Variants in CWC27 observed in about 807,000 individuals in gnomAD.
The protein encoded by CWC27 is CWC27 spliceosome associated cyclophilin, also known as spliceosome-associated protein CWC27 homolog.
Under a neutral mutation model 63.6 loss-of-function variants are expected in CWC27, and 47 were observed. That is an observed-to-expected ratio of 0.74 (90% CI 0.58 to 0.94). CWC27 has a LOEUF of 0.94. Ranked by LOEUF, CWC27 falls within the 40% of genes least tolerant of loss-of-function variation. CWC27 has a pLI of 0.00. For missense variants in CWC27, 495 were observed against 554.3 expected, an observed-to-expected ratio of 0.89 and a Z score of 1.07; for synonymous variants, 175 against 179.8, an observed-to-expected ratio of 0.97 and a Z score of 0.22.
intron 10 of CWC27, among the ~76,000 whole-genome samples, chr5:64,818,640 G>A (rs1745110808): frequency 6.6e-6 from 1 of 152,076 alleles, no homozygotes; most frequent in African/African-American, 2.4e-5. Context: ...GTAAGTTTTG[G>A]GTGAAGTATG....
chr5:65,000,644 G>C (rs7731168), intron 13 of CWC27, among the ~76,000 whole-genome samples: 44,520 of 151,808 alleles, frequency 0.29, 7,090 homozygotes, highest in East Asian at 0.44. Flanking sequence ...GTACATATGT[G>C]CATTTATTTC....
intron 13 of CWC27, among the ~76,000 whole-genome samples, chr5:64,980,160 T>A (rs997990467): frequency 6.6e-6 from 1 of 152,200 alleles, no homozygotes; most frequent in African/African-American, 2.4e-5. Flanking sequence ...CCTCCTTTGT[T>A]CAGATATACA....
chr5:64,769,489 G>C (rs1251238559), intron 1 of CWC27, among the ~76,000 whole-genome samples: 2 of 152,146 alleles, frequency 1.3e-5, no homozygotes, highest in African/African-American at 4.8e-5. Flanking sequence ...ACATTTTTGA[G>C]TTTGATATAT....
Position 65,016,216 on chromosome 5 carries a change from A to G in CWC27, c.1257-1943A>G, listed in dbSNP as rs568652757. On this transcript the variant is annotated intron_variant, in intron 13 of 13. Coordinates refer to ENST00000381070, the MANE Select transcript of CWC27 (RefSeq NM_005869.4). ...AAATTAGATTTTGCAACTATTGTAC[A>G]ATACATTTTCTAATTAAGGGTGTCT... Among the ~76,000 whole-genome samples the G allele has an allele frequency of 2.3e-4, 35 of 152,342 alleles. 1 individual carries two copies. The South Asian group carries it at 7.2e-3, about 32-fold the overall frequency.
chr5:64,959,095 G>GA (rs1383110984), intron 11 of CWC27, among the ~76,000 whole-genome samples: 1 of 152,016 alleles, frequency 6.6e-6, no homozygotes, highest in Non-Finnish European at 1.5e-5. Context: ...CCATAGTATA[G>GA]AAAAAATAAA....
At chr5:64,861,824 G>A (rs1332286505) in intron 10 of CWC27, among the ~76,000 whole-genome samples, 1 of 152,030 alleles carries the variant, frequency 6.6e-6, no homozygotes, top group Non-Finnish European at 1.5e-5. Context: ...CATTGCTATA[G>A]GAATATAGGT....
chr5:64,987,753 T>A (rs9291830), intron 13 of CWC27, among the ~76,000 whole-genome samples: 32,638 of 152,164 alleles, frequency 0.21, 4,008 homozygotes, highest in South Asian at 0.36. Flanking sequence ...ACTTTAAAGA[T>A]GTTTGTTCCA....
intron 10 of CWC27, among the ~76,000 whole-genome samples, chr5:64,859,704 G>T (rs1398618147): frequency 6.6e-6 from 1 of 152,112 alleles, no homozygotes; most frequent in Non-Finnish European, 1.5e-5. Context: ...TCTAAGGAAG[G>T]TACTGTGTGT....
intron 10 of CWC27, among the ~76,000 whole-genome samples, chr5:64,811,387 A>G (rs953018838): frequency 2.0e-5 from 3 of 152,222 alleles, no homozygotes; most frequent in East Asian, 1.9e-4. Context: ...TGTTAGGATG[A>G]TTACAGCATT....
At position 65,018,256 on chromosome 5, in the gene CWC27, C is replaced by T. The variant is rs781056516; in HGVS notation, c.1354C>T (p.Pro452Ser). 1.9e-6 allele frequency: 3 copies of T among 1,604,736 alleles called. No individual in the cohort carries two copies. The South Asian group carries it at 3.4e-5, about 18-fold the overall frequency. Residue 452 changes from proline to serine, a missense_variant, in exon 14 of 14, where the codon CCA (proline) becomes TCA (serine). By Grantham distance (74) the Pro-to-Ser change is moderately conservative. Around this residue, in one of 3 missense-constraint regions of CWC27, gnomAD observed 20 missense variants for 22.1 expected, o/e 0.91. Coordinates refer to ENST00000381070, the MANE Select transcript of CWC27 (RefSeq NM_005869.4). ...DTFEIYDPRN[P>S]VNKRRREESK... ...ATTTGAAATCTATGATCCTCGGAAT[C>T]CAGTGAATAAAAGAAGGAGGGAAGA...
At chr5:64,880,594 G>A (rs929387136) in intron 10 of CWC27, among the ~76,000 whole-genome samples, 2 of 151,728 alleles carry the variant, frequency 1.3e-5, no homozygotes, top group East Asian at 1.9e-4. Context: ...AAATGAATTA[G>A]TAATTTCTTT....
intron 10 of CWC27, among the ~76,000 whole-genome samples, chr5:64,856,160 G>A (rs139819878): frequency 4.1e-4 from 63 of 152,110 alleles, no homozygotes; most frequent in African/African-American, 1.5e-3. Flanking sequence ...AAAGCAAATA[G>A]ATGTCTTTTC....
rs1363431593 is a variant in CWC27 at position 64,786,519 on chromosome 5, C to T, written c.496-5C>T. 4.7e-6 allele frequency: 7 copies of T among 1,496,334 alleles called. No homozygotes were observed. The highest frequency in any genetic ancestry group is 1.4e-5 in the African/African-American group (1 of 69,746). The allele number at this position is 1,496,334 out of a possible 1,614,324, so 92.7% of individuals were successfully genotyped here. A position where few individuals can be genotyped will look rare whatever the true frequency, so the allele number is the denominator to read the frequency against. On this transcript the variant is annotated splice_polypyrimidine_tract_variant and splice_region_variant and intron_variant, in intron 5 of 13. Coordinates refer to ENST00000381070, the MANE Select transcript of CWC27 (RefSeq NM_005869.4). Reference sequence around the variant, plus strand: ...ATAATGTTTTCGAAATATTTTTTTTCATAGGTTTTGTTTAATCCTTTTGAT... The same window carrying T: ...ATAATGTTTTCGAAATATTTTTTTTTATAGGTTTTGTTTAATCCTTTTGAT...
chr5:64,874,223 A>G (rs1250266050), intron 10 of CWC27, among the ~76,000 whole-genome samples: 10 of 141,906 alleles, frequency 7.0e-5, no homozygotes, highest in Non-Finnish European at 1.5e-4. Flanking sequence ...GTGCAGTGGC[A>G]CAATCTCAGC....
intron 11 of CWC27, among the ~76,000 whole-genome samples, chr5:64,903,624 A>G (rs999260252): frequency 2.6e-5 from 4 of 152,236 alleles, no homozygotes; most frequent in African/African-American, 9.6e-5. Context: ...GGAAACCACA[A>G]TGGCCACATG....
At chr5:64,984,348 G>A (rs1749382813) in intron 13 of CWC27, among the ~76,000 whole-genome samples, 1 of 151,980 alleles carries the variant, frequency 6.6e-6, no homozygotes, top group South Asian at 2.1e-4. Flanking sequence ...GTTCATAATG[G>A]GCTTTCAAAA....
Position 64,934,090 on chromosome 5 carries a change from TTTTTG to T in CWC27, c.1043-37594_1043-37590del, listed in dbSNP as rs757612034. Among the ~76,000 whole-genome samples, 7 of 152,168 alleles carry T rather than the reference TTTTTG, an allele frequency of 4.6e-5. No homozygotes were observed. In the East Asian group the frequency reaches 1.3e-3, roughly 29 times the overall value. On this transcript the variant is annotated intron_variant, in intron 11 of 13. Transcript: ENST00000381070. The stretch of plus-strand genomic sequence containing the variant: ...CCTTATCAAGCTTTCACCCTTAGTT[TTTTTG>T]TTTTGTTTTGTTTTGTTTGTATTAT...
intron 10 of CWC27, among the ~76,000 whole-genome samples, chr5:64,858,094 C>G (rs1255601844): frequency 1.7e-5 from 2 of 118,310 alleles, no homozygotes; most frequent in Non-Finnish European, 3.3e-5. Context: ...GCCGAGATCG[C>G]GCCACTGCAC....
At chr5:64,770,890 A>C (rs1189260428) in intron 1 of CWC27, among the ~76,000 whole-genome samples, 4 of 152,242 alleles carry the variant, frequency 2.6e-5, no homozygotes, top group African/African-American at 9.6e-5. Context: ...TAACAAGGAT[A>C]CATTCCTGAA....
Sources: allele counts gnomAD v4.1 joint callset (sites outside exome capture counted in the v4.1 genomes callset), GRCh38; gene constraint gnomAD v4.1.1; regional missense constraint gnomAD v4.1.1; transcripts MANE v1.5; gene names NCBI Gene and HGNC (gene_info 2026-07-23, HGNC 2026-07-21).